The following KCNIP4 variants were observed in gnomAD, a reference collection of about 807,000 sequenced individuals.
KCNIP4 encodes the protein potassium voltage-gated channel interacting protein 4, also known as Kv channel-interacting protein 4.
KCNIP4 carries 12 observed loss-of-function variants against 34.0 expected under a neutral mutation model. That is an observed-to-expected ratio of 0.35 (90% CI 0.23 to 0.57). The LOEUF (loss-of-function observed/expected upper bound fraction) is 0.57, where lower values mean the gene tolerates loss of function less well. KCNIP4 is among the 20% of genes least tolerant of loss of function. KCNIP4 has a pLI of 0.83. For missense variants in KCNIP4, 238 were observed against 311.7 expected (o/e 0.76, Z 1.78); for synonymous variants, 124 against 102.2 (o/e 1.21, Z -1.29).
At chr4:21,087,568 G>A (rs28396704) in intron 1 of KCNIP4, among the ~76,000 whole-genome samples, 51,626 of 151,644 alleles carry the variant, frequency 0.34, 10,395 homozygotes, top group African/African-American at 0.58. Context: ...GATTACAGGC[G>A]TGAGCCACTG....
intron 1 of KCNIP4, among the ~76,000 whole-genome samples, chr4:21,240,281 G>C (rs1049566506): frequency 1.3e-5 from 2 of 149,838 alleles, no homozygotes; most frequent in Admixed American, 6.7e-5. Context: ...GCTAAATGAC[G>C]AGTCAATGGG....
At chr4:21,065,919 T>G (rs1744342275) in intron 1 of KCNIP4, among the ~76,000 whole-genome samples, 1 of 151,746 alleles carries the variant, frequency 6.6e-6, no homozygotes, top group African/African-American at 2.4e-5. Context: ...TATTTGTGAT[T>G]TTAGGATTTA....
chr4:21,454,573 A>C (rs1452231864), intron 1 of KCNIP4, among the ~76,000 whole-genome samples: 1 of 152,142 alleles, frequency 6.6e-6, no homozygotes, highest in African/African-American at 2.4e-5. Context: ...TTAATTTTCC[A>C]AATAGGGTAA....
intron 6 of KCNIP4, among the ~76,000 whole-genome samples, chr4:20,733,421 C>G (rs1748827864): frequency 6.6e-6 from 1 of 152,154 alleles, no homozygotes; most frequent in Non-Finnish European, 1.5e-5. Flanking sequence ...TCTCTAATAA[C>G]TTAAACATTT....
intron 2 of KCNIP4, among the ~76,000 whole-genome samples, chr4:20,864,161 CATGT>C (rs763675086): frequency 1.7e-4 from 25 of 149,408 alleles, no homozygotes; most frequent in East Asian, 7.9e-4. Context: ...TATGCATACA[CATGT>C]ATGTATACAC....
chr4:21,208,690 C>A (rs1757021532), intron 1 of KCNIP4, among the ~76,000 whole-genome samples: 1 of 152,004 alleles, frequency 6.6e-6, no homozygotes, highest in Non-Finnish European at 1.5e-5. Context: ...TGCTCTTTTT[C>A]ATCAGTCTTT....
chr4:21,696,537 A>G (rs561685207), intron 1 of KCNIP4, among the ~76,000 whole-genome samples: 3 of 152,288 alleles, frequency 2.0e-5, no homozygotes, highest in East Asian at 3.9e-4. Context: ...CCTGTTAACC[A>G]AGATTTGTCT....
intron 1 of KCNIP4, among the ~76,000 whole-genome samples, chr4:21,188,550 A>G (rs990802325): frequency 2.0e-5 from 3 of 152,220 alleles, no homozygotes; most frequent in Admixed American, 1.3e-4. Flanking sequence ...TTGCTAAGAC[A>G]TTCATTTCAG....
chr4:20,860,176 G>A (rs1032349421), intron 2 of KCNIP4, among the ~76,000 whole-genome samples: 13 of 149,840 alleles, frequency 8.7e-5, no homozygotes, highest in Admixed American at 7.3e-4. Context: ...TCTCGCTCTT[G>A]TTGCCCAGGT....
intron 1 of KCNIP4, among the ~76,000 whole-genome samples, chr4:21,454,265 C>T (rs143552824): frequency 1.3e-5 from 2 of 152,074 alleles, no homozygotes; most frequent in Non-Finnish European, 2.9e-5. Flanking sequence ...TAGCAAGGAA[C>T]CAGGGAACTT....
At chr4:21,229,128 T>G (rs1282100590) in intron 1 of KCNIP4, among the ~76,000 whole-genome samples, 1 of 152,188 alleles carries the variant, frequency 6.6e-6, no homozygotes, top group Non-Finnish European at 1.5e-5. Flanking sequence ...TCATGCTTTT[T>G]GCCCCTTCTG....
intron 5 of KCNIP4, among the ~76,000 whole-genome samples, chr4:20,743,047 T>C (rs1316306358): frequency 6.6e-6 from 1 of 151,820 alleles, no homozygotes; most frequent in African/African-American, 2.4e-5. Flanking sequence ...AGGACCCTTA[T>C]AAGGGTGTGA....
At chr4:21,040,647 G>A (rs1046038247) in intron 1 of KCNIP4, among the ~76,000 whole-genome samples, 3 of 151,902 alleles carry the variant, frequency 2.0e-5, no homozygotes, top group Non-Finnish European at 2.9e-5. Context: ...GCTACTTTAG[G>A]CAAAGTATAT....
chr4:21,286,540 T>G (rs962720263), intron 1 of KCNIP4, among the ~76,000 whole-genome samples: 2 of 152,152 alleles, frequency 1.3e-5, no homozygotes, highest in Non-Finnish European at 2.9e-5. Context: ...CATTTCTATT[T>G]TAAACTATAG....
chr4:21,888,973 T>C (rs1726938678), intron 1 of KCNIP4, among the ~76,000 whole-genome samples: 1 of 152,156 alleles, frequency 6.6e-6, no homozygotes, highest in Admixed American at 6.6e-5. Context: ...TTCAAAACTT[T>C]TTGAGCATCA....
intron 1 of KCNIP4, among the ~76,000 whole-genome samples, chr4:21,437,410 G>A (rs1577358329): frequency 6.6e-6 from 1 of 152,224 alleles, no homozygotes; most frequent in Middle Eastern, 3.4e-3. Flanking sequence ...ATATCTCTAG[G>A]AATTTCAAAA....
In KCNIP4 at chr4:21,373,670, G is replaced by A. The variant is rs577728259; in HGVS notation, c.62-490961C>T. On this transcript the variant is annotated intron_variant, in intron 1 of 8. Transcript: ENST00000382152. ...AACAAGTCATATAATCTTCATAAAG[G>A]TTGGGTTTCTCATTTTCATTTTATC... Among the ~76,000 whole-genome samples, 152 of 147,150 alleles carry A rather than the reference G, an allele frequency of 1.0e-3. 1 individual carries two copies. The highest frequency in any genetic ancestry group is 3.4e-3 in the Middle Eastern group (1 of 294).
intron 1 of KCNIP4, among the ~76,000 whole-genome samples, chr4:21,866,993 G>A (rs934867231): frequency 3.9e-5 from 6 of 151,922 alleles, no homozygotes; most frequent in East Asian, 1.9e-4. Flanking sequence ...GGATGGTCTC[G>A]ATCTCCTGAC....
chr4:20,964,751 T>C (rs1734180774), intron 1 of KCNIP4, among the ~76,000 whole-genome samples: 1 of 152,188 alleles, frequency 6.6e-6, no homozygotes, highest in Non-Finnish European at 1.5e-5. Flanking sequence ...ATTTAAAATA[T>C]CCAATTTTCT....
Sources: allele counts gnomAD v4.1 joint callset (sites outside exome capture counted in the v4.1 genomes callset), GRCh38; gene constraint gnomAD v4.1.1; transcripts MANE v1.5; gene names NCBI Gene and HGNC (gene_info 2026-07-23, HGNC 2026-07-21).